NOS1AP: variants seen among roughly 807,000 people sequenced by gnomAD.
The protein encoded by NOS1AP is carboxyl-terminal PDZ ligand of neuronal nitric oxide synthase protein.
Under a neutral mutation model 56.2 loss-of-function variants are expected in NOS1AP, and 21 were observed. That is an observed-to-expected ratio of 0.37 (90% CI 0.26 to 0.54). The LOEUF (loss-of-function observed/expected upper bound fraction) is 0.54. NOS1AP is among the 20% of genes least tolerant of loss of function. The pLI, the probability that NOS1AP is intolerant of heterozygous loss-of-function variation, is 0.84. For missense variants in NOS1AP, 522 were observed against 657.8 expected (o/e 0.79, Z 2.26); for synonymous variants, 270 against 274.6 (o/e 0.98, Z 0.17).
chr1:162,091,264 C>T (rs1692124111), intron 1 of NOS1AP, among the ~76,000 whole-genome samples: 1 of 152,244 alleles, frequency 6.6e-6, no homozygotes, highest in South Asian at 2.1e-4. Context: ...CCCTTCGAAC[C>T]TCCTGTGGGT....
chr1:162,101,402 T>C (rs1267764109), intron 1 of NOS1AP, among the ~76,000 whole-genome samples: 1 of 152,228 alleles, frequency 6.6e-6, no homozygotes, highest in African/African-American at 2.4e-5. Context: ...TTTAGGATTG[T>C]CTTGGCTATT....
intron 5 of NOS1AP, among the ~76,000 whole-genome samples, chr1:162,341,694 A>G (rs1657112459): frequency 6.6e-6 from 1 of 152,182 alleles, no homozygotes; most frequent in African/African-American, 2.4e-5. Context: ...GCCGTAGACG[A>G]TTAACCATAG....
intron 1 of NOS1AP, among the ~76,000 whole-genome samples, chr1:162,127,091 G>A (rs2102058827): frequency 6.6e-6 from 1 of 152,110 alleles, no homozygotes; most frequent in Admixed American, 6.5e-5. Context: ...TAAATCATCT[G>A]CTTATATCTT....
At chr1:162,079,591 G>A (rs905436042) in intron 1 of NOS1AP, among the ~76,000 whole-genome samples, 1 of 152,158 alleles carries the variant, frequency 6.6e-6, no homozygotes, top group East Asian at 1.9e-4. Context: ...GTTCTCATTT[G>A]TAAAAAGAGG....
rs114630569 is a variant in NOS1AP at position 162,340,643 on chromosome 1, A to G, written c.454-3192A>G. On this transcript the variant is annotated intron_variant, in intron 5 of 9. Coordinates refer to ENST00000361897, the MANE Select transcript of NOS1AP (RefSeq NM_014697.3). ...TTCAGTGCAGTTACAGAAATACCGTAGAGAACAACGGGTGGAGGGAGGATA... is the reference window on the plus strand; with the variant it reads ...TTCAGTGCAGTTACAGAAATACCGTGGAGAACAACGGGTGGAGGGAGGATA... Among the ~76,000 whole-genome samples the G allele has an allele frequency of 9.4e-3, 1,425 of 152,288 alleles. 20 individuals are homozygous for G. The highest frequency in any genetic ancestry group is 0.034 in the Middle Eastern group (10 of 294).
At chr1:162,135,636 C>G (rs898913642) in intron 1 of NOS1AP, among the ~76,000 whole-genome samples, 1 of 152,192 alleles carries the variant, frequency 6.6e-6, no homozygotes. Flanking sequence ...TACAATTACT[C>G]TCACCATCTG....
chr1:162,330,813 A>G (rs1463129615), intron 4 of NOS1AP, among the ~76,000 whole-genome samples: 1 of 152,246 alleles, frequency 6.6e-6, no homozygotes, highest in Non-Finnish European at 1.5e-5. Context: ...ACTCTAGATG[A>G]TCAATAGCTT....
intron 6 of NOS1AP, among the ~76,000 whole-genome samples, chr1:162,350,337 C>T (rs1352808835): frequency 6.6e-6 from 1 of 152,232 alleles, no homozygotes; most frequent in African/African-American, 2.4e-5. Flanking sequence ...CCTCTTCCCT[C>T]TCTCCCTCTT....
chr1:162,259,141 C>T (rs950524540), intron 2 of NOS1AP, among the ~76,000 whole-genome samples: 20 of 152,178 alleles, frequency 1.3e-4, no homozygotes, highest in Non-Finnish European at 2.9e-5. Flanking sequence ...CAGGTAGCTT[C>T]TCTGCGACCA....
chr1:162,201,824 T>C (rs1270982898), intron 2 of NOS1AP, among the ~76,000 whole-genome samples: 1 of 152,248 alleles, frequency 6.6e-6, no homozygotes, highest in African/African-American at 2.4e-5. Context: ...TAAATTTGTT[T>C]AAGTTCCTTA....
chr1:162,086,796 T>C (rs573190141), intron 1 of NOS1AP, among the ~76,000 whole-genome samples: 1 of 152,302 alleles, frequency 6.6e-6, no homozygotes, highest in East Asian at 1.9e-4. Context: ...AGCCATTCCC[T>C]TGACAGGATG....
intron 6 of NOS1AP, among the ~76,000 whole-genome samples, chr1:162,347,491 G>A (rs927681844): frequency 1.3e-5 from 2 of 152,232 alleles, no homozygotes; most frequent in African/African-American, 4.8e-5. Context: ...TAATCTCCAA[G>A]TACTTAATCA....
chr1:162,272,869 C>T (rs755740368), intron 2 of NOS1AP, among the ~76,000 whole-genome samples: 19 of 152,162 alleles, frequency 1.2e-4, no homozygotes, highest in African/African-American at 2.7e-4. Context: ...CCTACAGAGA[C>T]GTGTCTGGGC....
At chr1:162,088,264 A>G (rs1692047431) in intron 1 of NOS1AP, among the ~76,000 whole-genome samples, 1 of 152,090 alleles carries the variant, frequency 6.6e-6, no homozygotes, top group Admixed American at 6.6e-5. Flanking sequence ...TCAGAAACCT[A>G]ATTTCATGTA....
intron 2 of NOS1AP, chr1:162,156,998 G>A (rs1031757837): frequency 1.3e-5 from 2 of 154,222 alleles, no homozygotes; most frequent in African/African-American, 4.8e-5. Flanking sequence ...CTGGGACATG[G>A]GACCTCCCCA....
chr1:162,191,134 C>A (rs1557826649), intron 2 of NOS1AP, among the ~76,000 whole-genome samples: 1 of 152,150 alleles, frequency 6.6e-6, no homozygotes, highest in Non-Finnish European at 1.5e-5. Context: ...CTAGACTTGC[C>A]CGTCCATATC....
chr1:162,126,683 G>T (rs1161004307), intron 1 of NOS1AP, among the ~76,000 whole-genome samples: 1 of 152,024 alleles, frequency 6.6e-6, no homozygotes, highest in Non-Finnish European at 1.5e-5. Context: ...TCAATAGATT[G>T]ATATTTGGAC....
chr1:162,244,882 G>A (rs1379166729), intron 2 of NOS1AP, among the ~76,000 whole-genome samples: 1 of 152,178 alleles, frequency 6.6e-6, no homozygotes. Context: ...ATGGGCTTAT[G>A]TTAACTCCTC....
At position 162,241,548 on chromosome 1, in the gene NOS1AP, T is replaced by C. The variant is rs1025464203; in HGVS notation, c.178-45796T>C. 1.1e-4 allele frequency among the ~76,000 whole-genome samples: 17 copies of C among 152,278 alleles called. 3 individuals are homozygous for C. Among genetic ancestry groups the C allele is most frequent in the Admixed American group, 7.8e-4 (12 of 15,304 alleles). ...TATTGACCCATTTAATCCCCATGACTGTATGAGGTAGATACTATTATTATC... is the reference window on the plus strand; with the variant it reads ...TATTGACCCATTTAATCCCCATGACCGTATGAGGTAGATACTATTATTATC... On this transcript the variant is annotated intron_variant, in intron 2 of 9. Coordinates refer to ENST00000361897, the MANE Select transcript of NOS1AP (RefSeq NM_014697.3).
Sources: allele counts gnomAD v4.1 joint callset (sites outside exome capture counted in the v4.1 genomes callset), GRCh38; gene constraint gnomAD v4.1.1; transcripts MANE v1.5; gene names NCBI Gene and HGNC (gene_info 2026-07-23, HGNC 2026-07-21).